The following ST13 variants were observed in gnomAD, a reference collection of about 807,000 sequenced individuals.
The protein encoded by ST13 is ST13 Hsp70 interacting protein, also known as hsc70-interacting protein.
In ST13, 23 loss-of-function variants were observed where a neutral mutation model predicts 56.7. That is an observed-to-expected ratio of 0.41 (90% confidence interval 0.29 to 0.57). The LOEUF (loss-of-function observed/expected upper bound fraction) is 0.57, where lower values mean the gene tolerates loss of function less well. Among genes scored for constraint, ST13 ranks in the 20% least tolerant of loss-of-function variants. ST13 has a pLI of 0.36. For missense variants in ST13, 369 were observed against 459.9 expected, an observed-to-expected ratio of 0.80 and a Z score of 1.81; for synonymous variants, 132 against 142.4, an observed-to-expected ratio of 0.93 and a Z score of 0.52.
At chr22:40,831,024 T>C in intron 8 of ST13, 68 bp from the exon 9 acceptor site, 2 of 999,710 alleles carry the variant, frequency 2.0e-6, no homozygotes, top group African/African-American at 1.6e-5. Context: ...CAAATATTCT[T>C]TGTAGAGAGA....
At chr22:40,854,683 T>G (rs1415088765) in intron 1 of ST13, 1 of 152,224 alleles carries the variant, frequency 6.6e-6, no homozygotes, top group African/African-American at 2.4e-5. Context: ...CCACTTAATG[T>G]AAAGTGGAGC....
chr22:40,846,328 ATATT>A (rs761244894), intron 3 of ST13, among the ~76,000 whole-genome samples: 11 of 152,162 alleles, frequency 7.2e-5, no homozygotes, highest in Admixed American at 2.0e-4. Context: ...TCCATCTCAC[ATATT>A]TATTTGTTTT....
intron 5 of ST13, among the ~76,000 whole-genome samples, chr22:40,839,147 C>T (rs1047381755): frequency 1.3e-5 from 2 of 152,100 alleles, no homozygotes; most frequent in Admixed American, 6.5e-5. Flanking sequence ...GGAAGGTAAA[C>T]TATTAAGGCA....
At chr22:40,827,008 G>T in intron 11 of ST13, 88 bp downstream of exon 11, 1 of 1,397,286 alleles carries the variant, frequency 7.2e-7, no homozygotes, top group African/African-American at 1.4e-5. Context: ...ATAAAAAATA[G>T]CTATGAGAGT....
At position 40,856,299 on chromosome 22, in the gene ST13, G is replaced by A. The variant is rs572647860; in HGVS notation, c.110+132C>T. 3.5e-4 allele frequency: 266 copies of A among 759,424 alleles called. No homozygotes were observed. In the African/African-American group the frequency reaches 4.5e-3, roughly 13 times the overall value. The allele number at this position is 759,424 out of a possible 1,614,324, so 47.0% of individuals were successfully genotyped here. Reference sequence around the variant, plus strand: ...TCGCGATCTTCCATGACCCCTCGAAGTTGCCTCCCTTTCCCGGGCAAAGAA... The same window carrying A: ...TCGCGATCTTCCATGACCCCTCGAAATTGCCTCCCTTTCCCGGGCAAAGAA... On this transcript the variant is annotated intron_variant, in intron 1 of 11. Transcript: ENST00000216218.
At chr22:40,840,762 A>C (rs2057800457) in intron 4 of ST13, 70 bp from the exon 5 acceptor site, 1 of 1,335,476 alleles carries the variant, frequency 7.5e-7, no homozygotes, top group Admixed American at 1.9e-5. Flanking sequence ...ATACTTTCTT[A>C]GGGATGAGGC....
chr22:40,829,417 T>C (rs1015472242), intron 10 of ST13, among the ~76,000 whole-genome samples: 1 of 152,194 alleles, frequency 6.6e-6, no homozygotes, highest in Non-Finnish European at 1.5e-5. Context: ...CTGATCACAT[T>C]TGAAAGAAAA....
intron 5 of ST13, 196 bp from the exon 6 acceptor site, chr22:40,836,083 C>T: frequency 4.0e-6 from 2 of 504,284 alleles, no homozygotes; most frequent in Middle Eastern, 5.5e-4. Flanking sequence ...CGAGGTAAGA[C>T]AATTTCTGAG....
intron 3 of ST13, among the ~76,000 whole-genome samples, chr22:40,845,158 T>C (rs963150664): frequency 1.2e-4 from 18 of 152,188 alleles, no homozygotes; most frequent in Admixed American, 1.0e-3. Context: ...GTTTCTAGTA[T>C]TACACATAAA....
intron 3 of ST13, among the ~76,000 whole-genome samples, chr22:40,848,075 A>G (rs900608516): frequency 6.6e-6 from 1 of 151,888 alleles, no homozygotes; most frequent in African/African-American, 2.4e-5. Context: ...AAAAAAAAAT[A>G]TTGATTACAC....
At chr22:40,854,333 A>G (rs1206100619) in intron 1 of ST13, among the ~76,000 whole-genome samples, 3 of 152,254 alleles carry the variant, frequency 2.0e-5, no homozygotes, top group Non-Finnish European at 4.4e-5. Flanking sequence ...AAAAGCTTCT[A>G]TATTAAATAT....
At chr22:40,835,373 ATTTCTTTTTTT>A (rs1342667670) in intron 7 of ST13, 176 bp downstream of exon 7, 3 of 466,286 alleles carry the variant, frequency 6.4e-6, no homozygotes, top group Non-Finnish European at 1.2e-5. Flanking sequence ...CTTCTTTTAA[ATTTCTTTTTTT>A]TTTCTTTTAC....
intron 7 of ST13, among the ~76,000 whole-genome samples, chr22:40,833,326 T>C (rs969663960): frequency 6.6e-6 from 1 of 151,942 alleles, no homozygotes; most frequent in African/African-American, 2.4e-5. Flanking sequence ...TCCCAGCACT[T>C]TGGGAGGCCG....
In ST13 at chr22:40,836,469, AAAAAGT is replaced by A. The variant is rs201103033; in HGVS notation, c.383-588_383-583del. Among the ~76,000 whole-genome samples the A allele has an allele frequency of 5.4e-3, 815 of 152,274 alleles. 3 individuals carry two copies. The highest frequency in any genetic ancestry group is 0.019 in the African/African-American group (784 of 41,560). On this transcript the variant is annotated intron_variant, in intron 5 of 11. Transcript: ENST00000216218. ...AAAAAATAAAAATAAAAATAAAAGA[AAAAAGT>A]AAAAAGATAAAATCAATTTAAAGGA...
At chr22:40,850,739 A>C in intron 2 of ST13, 84 bp downstream of exon 2, 1 of 980,730 alleles carries the variant, frequency 1.0e-6, no homozygotes, top group Non-Finnish European at 1.6e-6. Context: ...AGGAGTGATA[A>C]CTGGAGAGCA....
chr22:40,829,901 G>C (rs994941050), intron 9 of ST13, among the ~76,000 whole-genome samples: 1 of 152,034 alleles, frequency 6.6e-6, no homozygotes, highest in Non-Finnish European at 1.5e-5. Context: ...TTCTACTCTG[G>C]AAACAAGTAA....
intron 5 of ST13, 160 bp from the exon 6 acceptor site, chr22:40,836,047 T>C: frequency 1.7e-6 from 1 of 594,732 alleles, no homozygotes; most frequent in South Asian, 2.1e-5. Flanking sequence ...TGAAAGCAAA[T>C]CTTACCACAC....
chr22:40,832,712 TA>T, intron 7 of ST13, 41 bp from the exon 8 acceptor site: 1 of 1,394,972 alleles, frequency 7.2e-7, no homozygotes, highest in Non-Finnish European at 1.0e-6. Context: ...CTTTTATACA[TA>T]TTCACCTATG....
intron 10 of ST13, among the ~76,000 whole-genome samples, chr22:40,827,938 T>G (rs951731892): frequency 4.6e-5 from 7 of 152,222 alleles, no homozygotes; most frequent in African/African-American, 1.7e-4. Context: ...TTGATCATCT[T>G]TCAACTCTCC....
Sources: allele counts gnomAD v4.1 joint callset (sites outside exome capture counted in the v4.1 genomes callset), GRCh38; gene constraint gnomAD v4.1.1; transcripts MANE v1.5; gene names NCBI Gene and HGNC (gene_info 2026-07-23, HGNC 2026-07-21).